The following PPP2R2B variants were observed in gnomAD, a reference collection of about 807,000 sequenced individuals.
PPP2R2B encodes the protein serine/threonine-protein phosphatase 2A 55 kDa regulatory subunit B beta isoform.
PPP2R2B carries 5 observed loss-of-function variants against 46.0 expected under a neutral mutation model. The ratio of observed to expected loss-of-function variants is 0.11; its 90% CI spans 0.06 to 0.23. The LOEUF (loss-of-function observed/expected upper bound fraction) is 0.23. Among genes scored for constraint, PPP2R2B ranks in the 10% least tolerant of loss-of-function variants. The pLI is 1.00. For missense variants in PPP2R2B, 367 were observed against 575.0 expected, an observed-to-expected ratio of 0.64 and a Z score of 3.70; for synonymous variants, 215 against 206.7, an observed-to-expected ratio of 1.04 and a Z score of -0.34.
chr5:146,641,593 T>C (rs1775223395), intron 6 of PPP2R2B, among the ~76,000 whole-genome samples: 1 of 151,366 alleles, frequency 6.6e-6, no homozygotes, highest in African/African-American at 2.4e-5. Flanking sequence ...CTGGAGGATT[T>C]GGTGAGTTCT....
At chr5:147,023,089 C>G (rs774779707) in intron 1 of PPP2R2B, among the ~76,000 whole-genome samples, 70 of 151,982 alleles carry the variant, frequency 4.6e-4, no homozygotes, top group Non-Finnish European at 8.5e-4. Context: ...TTGTATTATG[C>G]CATATGTACA....
At chr5:146,974,018 G>A (rs944467958) in intron 1 of PPP2R2B, among the ~76,000 whole-genome samples, 13 of 152,170 alleles carry the variant, frequency 8.5e-5, no homozygotes, top group African/African-American at 3.1e-4. Flanking sequence ...ATAATTTTAA[G>A]GTTTTCCGTG....
chr5:146,704,642 A>T (rs1026660398), intron 2 of PPP2R2B, among the ~76,000 whole-genome samples: 1 of 152,168 alleles, frequency 6.6e-6, no homozygotes, highest in Non-Finnish European at 1.5e-5. Context: ...CCTTGCTCCA[A>T]ATCTATTTGT....
intron 2 of PPP2R2B, among the ~76,000 whole-genome samples, chr5:146,786,822 C>T (rs891459463): frequency 9.9e-5 from 15 of 152,108 alleles, no homozygotes; most frequent in Non-Finnish European, 1.0e-4. Flanking sequence ...GATGAAGTTG[C>T]CTGAAAGCAA....
chr5:146,892,304 G>C (rs1328417993), intron 1 of PPP2R2B, among the ~76,000 whole-genome samples: 1 of 151,994 alleles, frequency 6.6e-6, no homozygotes. Flanking sequence ...GCCACACAGG[G>C]GGATCAAAAG....
At chr5:146,683,674 G>A (rs936776419) in intron 5 of PPP2R2B, among the ~76,000 whole-genome samples, 3 of 152,048 alleles carry the variant, frequency 2.0e-5, no homozygotes, top group East Asian at 3.9e-4. Context: ...CCAATGAGCA[G>A]AACAGAAACA....
At chr5:146,731,519 G>A (rs776771221) in intron 2 of PPP2R2B, among the ~76,000 whole-genome samples, 15 of 152,068 alleles carry the variant, frequency 9.9e-5, no homozygotes, top group Admixed American at 3.9e-4. Context: ...TTCATTTTCC[G>A]TGGCTTCCCG....
intron 1 of PPP2R2B, among the ~76,000 whole-genome samples, chr5:146,887,576 A>G (rs1178017280): frequency 6.6e-6 from 1 of 152,236 alleles, no homozygotes; most frequent in Non-Finnish European, 1.5e-5. Flanking sequence ...GAATAAATAA[A>G]TTACAAAAAG....
At chr5:146,643,310 C>T (rs1402143386) in intron 6 of PPP2R2B, among the ~76,000 whole-genome samples, 1 of 152,062 alleles carries the variant, frequency 6.6e-6, no homozygotes, top group Non-Finnish European at 1.5e-5. Context: ...GCAGGAGATA[C>T]AGTAGTGACC....
chr5:146,715,629 T>C (rs1780454083), intron 2 of PPP2R2B, among the ~76,000 whole-genome samples: 1 of 152,118 alleles, frequency 6.6e-6, no homozygotes, highest in African/African-American at 2.4e-5. Flanking sequence ...CATTTTTCAG[T>C]TGGGAAAATG....
chr5:147,053,574 C>CACACACACAAA (rs1756936108), intron 1 of PPP2R2B, among the ~76,000 whole-genome samples: 1 of 64,164 alleles, frequency 1.6e-5, no homozygotes, highest in Non-Finnish European at 4.7e-5. Flanking sequence ...ACACACACAA[C>CACACACACAAA]CTCAGATGTA....
At chr5:147,073,283 A>G (rs905763508) in intron 2 of PPP2R2B, among the ~76,000 whole-genome samples, 9 of 152,340 alleles carry the variant, frequency 5.9e-5, no homozygotes, top group East Asian at 3.9e-4. Context: ...TTTGCCTTCA[A>G]TGTTATGCAA....
intron 2 of PPP2R2B, among the ~76,000 whole-genome samples, chr5:146,755,131 T>C (rs1335867077): frequency 3.9e-5 from 6 of 152,066 alleles, no homozygotes; most frequent in African/African-American, 7.2e-5. Flanking sequence ...AGATGTGCCA[T>C]AGTGATGAAG....
At chr5:146,954,002 A>G (rs1425885003) in intron 1 of PPP2R2B, among the ~76,000 whole-genome samples, 1 of 152,190 alleles carries the variant, frequency 6.6e-6, no homozygotes, top group East Asian at 1.9e-4. Context: ...ATATCTACCA[A>G]TTGGTATCTG....
chr5:146,692,416 C>A (rs990104639), intron 4 of PPP2R2B, among the ~76,000 whole-genome samples: 2 of 152,080 alleles, frequency 1.3e-5, no homozygotes, highest in African/African-American at 4.8e-5. Flanking sequence ...ACAGAACTCC[C>A]ATGAGAACTC....
At chr5:147,056,928 A>G (rs1170370986), upstream of PPP2R2B, among the ~76,000 whole-genome samples, 1 of 152,232 alleles carries the variant, frequency 6.6e-6, no homozygotes, top group Non-Finnish European at 1.5e-5. Flanking sequence ...TTCATGCTGC[A>G]TTCAGAGGCA....
chr5:146,889,493 TC>T (rs773866347), intron 1 of PPP2R2B, among the ~76,000 whole-genome samples: 1 of 152,214 alleles, frequency 6.6e-6, no homozygotes, highest in Non-Finnish European at 1.5e-5. Flanking sequence ...CAGATAAGTT[TC>T]TTTGGTTGAC....
At chr5:146,962,042 G>A (rs1752193518) in intron 1 of PPP2R2B, among the ~76,000 whole-genome samples, 1 of 149,178 alleles carries the variant, frequency 6.7e-6, no homozygotes, top group East Asian at 2.0e-4. Flanking sequence ...TAACCAGTTA[G>A]AACTTCAAAA....
intron 8 of PPP2R2B, among the ~76,000 whole-genome samples, chr5:146,598,695 A>G (rs1384112569): frequency 1.3e-5 from 2 of 152,134 alleles, no homozygotes; most frequent in Non-Finnish European, 2.9e-5. Context: ...TCCCGCATCA[A>G]ATTTGTCCTC....
Sources: gnomAD v4.1 joint callset for allele counts (sites outside exome capture counted in the v4.1 genomes callset) on GRCh38, gnomAD v4.1.1 for gene constraint, MANE v1.5 for transcripts, NCBI Gene and HGNC (gene_info 2026-07-23, HGNC 2026-07-21) for gene names.